The following WASL variants were observed in gnomAD, a reference collection of about 807,000 sequenced individuals.
WASL encodes WASP like actin nucleation promoting factor.
In WASL, 20 loss-of-function variants were observed where a neutral mutation model predicts 55.5. The ratio of observed to expected loss-of-function variants is 0.36; its 90% CI spans 0.25 to 0.52. The LOEUF is 0.52. Ranked by LOEUF, WASL falls within the 20% of genes least tolerant of loss-of-function variation. WASL has a pLI of 0.92. For synonymous variants in WASL, 249 were observed against 217.6 expected (o/e 1.14, Z -1.27); for missense variants, 504 against 622.5 (o/e 0.81, Z 2.03).
At chr7:123,718,967 G>A (rs901247520) in intron 1 of WASL, among the ~76,000 whole-genome samples, 23 of 152,166 alleles carry the variant, frequency 1.5e-4, no homozygotes, top group Non-Finnish European at 2.9e-4. Context: ...ATGCAAAACC[G>A]AAGGTATATA....
chr7:123,713,970 T>A lies in WASL; in HGVS notation c.118-4747A>T, dbSNP rs148985889. Among the ~76,000 whole-genome samples the A allele has an allele frequency of 1.5e-4, 23 of 152,368 alleles. No individual in the cohort carries two copies. In the East Asian group the frequency reaches 4.4e-3, roughly 29 times the overall value. On this transcript the variant is annotated intron_variant, in intron 1 of 10. Coordinates refer to ENST00000223023, the MANE Select transcript of WASL (RefSeq NM_003941.4). ...ACCTCAGTATGTGTGAACTTTGGTA[T>A]CTGTGGGTGGCCCTAGAACCAATCC...
Position 123,692,337 on chromosome 7 carries a change from G to T in WASL, c.1347+10C>A. The T allele has an allele frequency of 1.3e-6, 2 of 1,576,450 alleles. No homozygotes were observed. The highest frequency in any genetic ancestry group is 1.4e-5 in the African/African-American group (1 of 71,862). On this transcript the variant is annotated intron_variant, in intron 9 of 10. Coordinates refer to ENST00000223023, the MANE Select transcript of WASL (RefSeq NM_003941.4). ...AGGATCTAAAATGAAAAAAAAAAAA[G>T]CTTACTTACAGATTTTAGTTGGATA...
chr7:123,715,871 TACTGTATTCTCA>T (rs1334970588), intron 1 of WASL, among the ~76,000 whole-genome samples: 1 of 152,232 alleles, frequency 6.6e-6, no homozygotes, highest in African/African-American at 2.4e-5. Flanking sequence ...TGGCAAGTCT[TACTGTATTCTCA>T]ACTTTCTACT....
chr7:123,740,733 C>A (rs1043661645), intron 1 of WASL, among the ~76,000 whole-genome samples: 1 of 151,946 alleles, frequency 6.6e-6, no homozygotes, highest in South Asian at 2.1e-4. Context: ...GTAACTGGGA[C>A]TACAGACATG....
chr7:123,712,659 T>C (rs1803777320), intron 1 of WASL, among the ~76,000 whole-genome samples: 1 of 152,220 alleles, frequency 6.6e-6, no homozygotes, highest in Non-Finnish European at 1.5e-5. Flanking sequence ...TTAAAATGTA[T>C]GACCCTTAGC....
At chr7:123,715,549 C>T (rs1290502215) in intron 1 of WASL, among the ~76,000 whole-genome samples, 2 of 152,236 alleles carry the variant, frequency 1.3e-5, no homozygotes, top group Admixed American at 6.5e-5. Context: ...GGCTCCACGT[C>T]TTCCTCTATT....
intron 1 of WASL, among the ~76,000 whole-genome samples, chr7:123,725,997 C>T (rs1804034625): frequency 6.6e-6 from 1 of 152,110 alleles, no homozygotes; most frequent in African/African-American, 2.4e-5. Flanking sequence ...TTAAATATTA[C>T]CTAGAGATCT....
intron 5 of WASL, among the ~76,000 whole-genome samples, 194 bp from the exon 6 acceptor site, chr7:123,696,941 A>G (rs899941919): frequency 6.6e-6 from 1 of 151,798 alleles, no homozygotes; most frequent in African/African-American, 2.4e-5. Flanking sequence ...AAATGAGTGT[A>G]GATGCACTAT....
intron 10 of WASL, among the ~76,000 whole-genome samples, chr7:123,685,415 A>C (rs1380183845): frequency 6.6e-6 from 1 of 151,974 alleles, no homozygotes; most frequent in Admixed American, 6.6e-5. Flanking sequence ...CACCAATCTT[A>C]TTCTGGCTTT....
intron 1 of WASL, among the ~76,000 whole-genome samples, chr7:123,732,676 C>T (rs1334505745): frequency 5.3e-5 from 8 of 152,106 alleles, no homozygotes; most frequent in Non-Finnish European, 7.4e-5. Flanking sequence ...AGGACTACTT[C>T]GTAACTATTT....
intron 1 of WASL, among the ~76,000 whole-genome samples, chr7:123,742,189 A>C (rs1186915894): frequency 1.3e-5 from 2 of 152,190 alleles, no homozygotes; most frequent in African/African-American, 4.8e-5. Context: ...ATAAGCAAGA[A>C]AGACAGTAAA....
At chr7:123,703,215 A>C (rs1309372864) in intron 5 of WASL, among the ~76,000 whole-genome samples, 1 of 152,170 alleles carries the variant, frequency 6.6e-6, no homozygotes, top group South Asian at 2.1e-4. Context: ...TTGACATAAC[A>C]TAGTGGTTAA....
chr7:123,725,054 A>G (rs1357787893), intron 1 of WASL, among the ~76,000 whole-genome samples: 1 of 152,228 alleles, frequency 6.6e-6, no homozygotes, highest in African/African-American at 2.4e-5. Flanking sequence ...AAAAAACAGC[A>G]TACTAAAGTC....
chr7:123,696,559 C>A lies in WASL; in HGVS notation c.629+20G>T. 2 of 1,530,938 alleles carry A rather than the reference C, an allele frequency of 1.3e-6. No individual in the cohort carries two copies. Among genetic ancestry groups the A allele is most frequent in the Non-Finnish European group, 1.7e-6 (2 of 1,143,552 alleles). 94.8% of individuals were successfully genotyped at this position (1,530,938 alleles called of 1,614,324 possible). ...AATAAATCAAAAGTGAAGATAAGAA[C>A]AACAAAAGAACTGTCTTACTGGAAA... On this transcript the variant is annotated intron_variant, in intron 6 of 10. Transcript: ENST00000223023.
At chr7:123,732,837 C>T (rs896700439) in intron 1 of WASL, among the ~76,000 whole-genome samples, 1 of 152,064 alleles carries the variant, frequency 6.6e-6, no homozygotes, top group African/African-American at 2.4e-5. Flanking sequence ...AATTAAACAT[C>T]AAAACCAAGT....
intron 1 of WASL, among the ~76,000 whole-genome samples, chr7:123,724,165 G>A (rs1804002680): frequency 6.6e-6 from 1 of 152,082 alleles, no homozygotes; most frequent in Admixed American, 6.5e-5. Flanking sequence ...AAACGTAACA[G>A]GTTCCTATTT....
chr7:123,722,614 T>C (rs1468511641), intron 1 of WASL, among the ~76,000 whole-genome samples: 2 of 152,048 alleles, frequency 1.3e-5, no homozygotes, highest in Non-Finnish European at 2.9e-5. Flanking sequence ...GGCCAGGAGT[T>C]CAACACCAGC....
intron 1 of WASL, among the ~76,000 whole-genome samples, chr7:123,714,881 G>C (rs1305477048): frequency 1.3e-5 from 2 of 152,174 alleles, no homozygotes; most frequent in Non-Finnish European, 2.9e-5. Context: ...GGTGAGTCAA[G>C]TGAACAAAGC....
At chr7:123,704,161 T>C (rs914830338) in intron 5 of WASL, among the ~76,000 whole-genome samples, 3 of 152,164 alleles carry the variant, frequency 2.0e-5, no homozygotes, top group African/African-American at 4.8e-5. Context: ...ACAGTAGGTG[T>C]TCATTTTGAA....
Sources: allele counts gnomAD v4.1 joint callset (sites outside exome capture counted in the v4.1 genomes callset), GRCh38; gene constraint gnomAD v4.1.1; transcripts MANE v1.5; gene names NCBI Gene and HGNC (gene_info 2026-07-23, HGNC 2026-07-21).